Variants in KCTD16 observed in about 807,000 individuals in gnomAD.
KCTD16 encodes potassium channel tetramerization domain containing 16, also known as BTB/POZ domain-containing protein KCTD16.
KCTD16 carries 13 observed loss-of-function variants against 33.2 expected under a neutral mutation model. That is an observed-to-expected ratio of 0.39 (90% CI 0.25 to 0.62). The LOEUF is 0.62. Ranked by LOEUF, KCTD16 falls within the 20% of genes least tolerant of loss-of-function variation. The probability of loss-of-function intolerance (pLI) is 0.50; values close to 1 mark genes in which losing one functional copy is unlikely to be tolerated. For missense variants in KCTD16, 441 were observed against 525.1 expected (o/e 0.84, Z 1.57); for synonymous variants, 197 against 195.3 (o/e 1.01, Z -0.07).
intron 3 of KCTD16, among the ~76,000 whole-genome samples, chr5:144,345,098 T>C (rs1422566246): frequency 2.6e-5 from 4 of 151,122 alleles, no homozygotes; most frequent in Non-Finnish European, 4.4e-5. Context: ...AGTAAACTAT[T>C]GCAAGGACAA....
chr5:144,452,839 C>G (rs1753976635), intron 3 of KCTD16, among the ~76,000 whole-genome samples: 1 of 151,826 alleles, frequency 6.6e-6, no homozygotes, highest in South Asian at 2.1e-4. Flanking sequence ...CTGAACCCTC[C>G]CCATGTGCTC....
chr5:144,380,609 A>G (rs1397467734), intron 3 of KCTD16, among the ~76,000 whole-genome samples: 1 of 152,190 alleles, frequency 6.6e-6, no homozygotes, highest in East Asian at 1.9e-4. Flanking sequence ...GGCTCCAGTT[A>G]CCAAAACAGC....
At chr5:144,371,498 A>G (rs1200887204) in intron 3 of KCTD16, among the ~76,000 whole-genome samples, 1 of 152,154 alleles carries the variant, frequency 6.6e-6, no homozygotes, top group Non-Finnish European at 1.5e-5. Flanking sequence ...TAAGATGAGT[A>G]TGTGTTATCT....
chr5:144,455,935 T>C, intron 3 of KCTD16, among the ~76,000 whole-genome samples: 1 of 152,104 alleles, frequency 6.6e-6, no homozygotes, highest in East Asian at 1.9e-4. Context: ...AAAATGCAAA[T>C]ACGATTCACA....
chr5:144,219,335 TC>T (rs1292196368), intron 3 of KCTD16, among the ~76,000 whole-genome samples: 3 of 151,962 alleles, frequency 2.0e-5, no homozygotes, highest in African/African-American at 7.2e-5. Flanking sequence ...TGCCTCAGCC[TC>T]CCGTGTAGCT....
intron 3 of KCTD16, among the ~76,000 whole-genome samples, chr5:144,340,912 C>T (rs527868070): frequency 1.3e-5 from 2 of 151,804 alleles, no homozygotes; most frequent in Non-Finnish European, 2.9e-5. Context: ...TAGCCAGGCA[C>T]GGTGGTGGGC....
At position 144,299,199 on chromosome 5, in the gene KCTD16, G is replaced by A. The variant is rs542009170; in HGVS notation, c.832+91653G>A. 5.3e-4 allele frequency among the ~76,000 whole-genome samples: 65 copies of A among 123,164 alleles called. 1 individual carries two copies. The highest frequency in any genetic ancestry group is 1.7e-3 in the African/African-American group (57 of 34,368). The allele number at this position is 123,164 out of a possible 152,430, so 80.8% of individuals were successfully genotyped here. On this transcript the variant is annotated intron_variant, in intron 3 of 3. Transcript: ENST00000512467. The stretch of plus-strand genomic sequence containing the variant: ...ACTGAGCTGTTTAATGTTGCCCGGA[G>A]TTCCTGTGCAATATACCACTAACAC...
intron 3 of KCTD16, among the ~76,000 whole-genome samples, chr5:144,408,335 T>C (rs1382918287): frequency 6.6e-6 from 1 of 152,214 alleles, no homozygotes; most frequent in Non-Finnish European, 1.5e-5. Context: ...GGACTCCATT[T>C]TGAATACTAT....
intron 2 of KCTD16, among the ~76,000 whole-genome samples, chr5:144,191,976 A>T (rs1327598159): frequency 6.6e-6 from 1 of 152,174 alleles, no homozygotes; most frequent in Non-Finnish European, 1.5e-5. Context: ...GTAAATGTAG[A>T]GACAGGCTTG....
rs780692300 is a variant in KCTD16 at position 144,207,229 on chromosome 5, G to A, written c.515G>A (p.Gly172Glu). 1.2e-6 allele frequency: 2 copies of A among 1,613,956 alleles called. No homozygotes were observed. The highest frequency in any genetic ancestry group is 1.7e-6 in the Non-Finnish European group (2 of 1,179,984). Residue 172 changes from glycine (G) to glutamate (E), a missense_variant, in exon 3 of 4, where the codon GGA becomes GAA. Gly to Glu is a moderately conservative substitution (Grantham distance 98). Around this residue, in one of 3 missense-constraint regions of KCTD16, gnomAD observed 355 missense variants for 413.0 expected, o/e 0.86. Transcript: ENST00000512467. Reference protein sequence around the residue: ...KWGFITVGYRGSCTLGREGQA... With the variant: ...KWGFITVGYRESCTLGREGQA... The stretch of plus-strand genomic sequence containing the variant: ...GGTTTCATTACTGTGGGTTACAGAG[G>A]ATCCTGCACCTTGGGCAGAGAGGGA...
At chr5:144,255,385 A>G (rs976359050) in intron 3 of KCTD16, among the ~76,000 whole-genome samples, 9 of 151,936 alleles carry the variant, frequency 5.9e-5, no homozygotes, top group Admixed American at 1.3e-4. Flanking sequence ...GTGGTTCTTT[A>G]TTTAAGTTTT....
At chr5:144,302,121 G>A (rs9324952) in intron 3 of KCTD16, among the ~76,000 whole-genome samples, 8,741 of 152,188 alleles carry the variant, frequency 0.057, 838 homozygotes, top group African/African-American at 0.19. Context: ...ATAGCTAGAG[G>A]CAGTAGAGCT....
intron 3 of KCTD16, among the ~76,000 whole-genome samples, chr5:144,297,807 A>G (rs1245816173): frequency 1.3e-5 from 2 of 152,250 alleles, no homozygotes; most frequent in African/African-American, 2.4e-5. Flanking sequence ...AGATCAGGAT[A>G]TAAAGGCAGG....
At chr5:144,464,708 C>CCTCCTCTTCTTCCTCCTCCTCT in intron 3 of KCTD16, among the ~76,000 whole-genome samples, 1 of 150,754 alleles carries the variant, frequency 6.6e-6, no homozygotes, top group East Asian at 2.0e-4. Context: ...CTTCCTCCTC[C>CCTCCTCTTCTTCCTCCTCCTCT]TCTTCTTCTT....
intron 2 of KCTD16, among the ~76,000 whole-genome samples, chr5:144,175,347 A>G (rs888149345): frequency 6.6e-6 from 1 of 152,208 alleles, no homozygotes; most frequent in Non-Finnish European, 1.5e-5. Flanking sequence ...AGTAGGCTGT[A>G]TTGTTATTGT....
chr5:144,334,622 A>T (rs995254585), intron 3 of KCTD16, among the ~76,000 whole-genome samples: 2 of 152,180 alleles, frequency 1.3e-5, no homozygotes, highest in Non-Finnish European at 2.9e-5. Context: ...ATTAATCTTC[A>T]TGGAAATGCT....
At chr5:144,432,421 G>C (rs1244577133) in intron 3 of KCTD16, among the ~76,000 whole-genome samples, 1 of 152,130 alleles carries the variant, frequency 6.6e-6, no homozygotes, top group Non-Finnish European at 1.5e-5. Context: ...AAGTCATCTA[G>C]CTAGTAGCCA....
chr5:144,353,836 C>T (rs1045289784), intron 3 of KCTD16, among the ~76,000 whole-genome samples: 5 of 151,280 alleles, frequency 3.3e-5, no homozygotes, highest in Admixed American at 6.6e-5. Flanking sequence ...AACATGGAAT[C>T]GCAAAAAGGG....
Position 144,433,388 on chromosome 5 carries a change from C to T in KCTD16, c.833-40272C>T, listed in dbSNP as rs963412720. 2.0e-5 allele frequency among the ~76,000 whole-genome samples: 3 copies of T among 152,104 alleles called. No homozygotes were observed. The East Asian group carries it at 5.8e-4, about 29-fold the overall frequency. The stretch of plus-strand genomic sequence containing the variant: ...GGACTTAGAGGCCCAGCCGTTACTC[C>T]CCTTAAGACAATTGCTACATGAATC... On this transcript the variant is annotated intron_variant, in intron 3 of 3. Transcript: ENST00000512467.
Sources: gnomAD v4.1 joint callset for allele counts (sites outside exome capture counted in the v4.1 genomes callset) on GRCh38, gnomAD v4.1.1 for gene constraint, gnomAD v4.1.1 regional missense constraint, MANE v1.5 for transcripts, NCBI Gene and HGNC (gene_info 2026-07-23, HGNC 2026-07-21) for gene names.